The following CTNND2 variants were observed in gnomAD, a reference collection of about 807,000 sequenced individuals.
CTNND2 encodes catenin delta 2.
A neutral mutation model predicts 144.4 loss-of-function variants in CTNND2; 22 were observed. The ratio of observed to expected loss-of-function variants is 0.15; its 90% CI spans 0.11 to 0.22. The LOEUF is 0.22. Ranked by LOEUF, CTNND2 falls within the 10% of genes least tolerant of loss-of-function variation. CTNND2 has a pLI of 1.00. For missense variants in CTNND2, 1,353 were observed against 1,618.8 expected, an observed-to-expected ratio of 0.84 and a Z score of 2.82; for synonymous variants, 751 against 695.6, an observed-to-expected ratio of 1.08 and a Z score of -1.25.
chr5:11,299,642 C>T (rs1749372709), intron 9 of CTNND2, among the ~76,000 whole-genome samples: 1 of 152,170 alleles, frequency 6.6e-6, no homozygotes, highest in Admixed American at 6.5e-5. Context: ...AAGGTAGAAA[C>T]ATGTAGAATG....
intron 21 of CTNND2, among the ~76,000 whole-genome samples, chr5:10,975,800 G>A (rs1316036851): frequency 2.0e-5 from 3 of 152,210 alleles, no homozygotes; most frequent in Non-Finnish European, 4.4e-5. Context: ...GACATCTTCA[G>A]GAGGAGTCAC....
intron 16 of CTNND2, among the ~76,000 whole-genome samples, chr5:11,070,050 G>C (rs368216021): frequency 1.3e-5 from 2 of 152,110 alleles, no homozygotes; most frequent in Non-Finnish European, 2.9e-5. Flanking sequence ...AACATAAAAC[G>C]TCCGGCATAC....
At chr5:11,601,173 T>G (rs999270630) in intron 2 of CTNND2, among the ~76,000 whole-genome samples, 3 of 152,226 alleles carry the variant, frequency 2.0e-5, no homozygotes, top group Non-Finnish European at 4.4e-5. Context: ...AACATGCATA[T>G]GCATATTTCA....
At chr5:11,502,692 T>C (rs76461283) in intron 3 of CTNND2, among the ~76,000 whole-genome samples, 1,937 of 152,266 alleles carry the variant, frequency 0.013, 17 homozygotes, top group Non-Finnish European at 0.019. Flanking sequence ...CCCCAGACTA[T>C]CATCCTCATA....
At chr5:11,775,233 T>C (rs1403226061) in intron 1 of CTNND2, among the ~76,000 whole-genome samples, 2 of 152,190 alleles carry the variant, frequency 1.3e-5, no homozygotes, top group African/African-American at 4.8e-5. Context: ...ATTTCCTAAA[T>C]TCTCGGAGAA....
intron 10 of CTNND2, among the ~76,000 whole-genome samples, chr5:11,227,419 T>C (rs1309274088): frequency 6.6e-6 from 1 of 152,228 alleles, no homozygotes; most frequent in Non-Finnish European, 1.5e-5. Flanking sequence ...AAGCCGTTGC[T>C]ATAAGCTCAG....
intron 3 of CTNND2, among the ~76,000 whole-genome samples, chr5:11,561,777 C>T (rs933608884): frequency 1.3e-5 from 2 of 152,176 alleles, no homozygotes; most frequent in Non-Finnish European, 2.9e-5. Flanking sequence ...TACAGTGGCT[C>T]ATGCCTGTAG....
At chr5:11,175,079 G>A (rs908498445) in intron 11 of CTNND2, among the ~76,000 whole-genome samples, 1 of 151,974 alleles carries the variant, frequency 6.6e-6, no homozygotes, top group Non-Finnish European at 1.5e-5. Flanking sequence ...CAAAACTTTG[G>A]AATTTCTATG....
chr5:11,549,951 T>C lies in CTNND2; in HGVS notation c.287+14993A>G, dbSNP rs34317174. ...TAAAAGAAAGAAGGAAAGCCATAAG[T>C]AAATAATGTATCTGTAAAAATCAGG... On this transcript the variant is annotated intron_variant, in intron 3 of 21. Coordinates refer to ENST00000304623, the MANE Select transcript of CTNND2 (RefSeq NM_001332.4). Among the ~76,000 whole-genome samples the C allele has an allele frequency of 6.4e-3, 971 of 152,322 alleles. 11 individuals carry two copies. The highest frequency in any genetic ancestry group is 0.038 in the South Asian group (182 of 4,826).
At chr5:11,555,865 A>C (rs1776191537) in intron 3 of CTNND2, among the ~76,000 whole-genome samples, 1 of 152,184 alleles carries the variant, frequency 6.6e-6, no homozygotes, top group Admixed American at 6.6e-5. Context: ...TTGGAAAAAA[A>C]CAAAATTGGC....
intron 16 of CTNND2, among the ~76,000 whole-genome samples, chr5:11,052,223 T>C (rs1345639410): frequency 6.6e-6 from 1 of 152,212 alleles, no homozygotes; most frequent in African/African-American, 2.4e-5. Flanking sequence ...CATCTGGCTT[T>C]TTTTTCCATG....
chr5:11,668,807 C>T (rs979843915), intron 2 of CTNND2, among the ~76,000 whole-genome samples: 2 of 152,100 alleles, frequency 1.3e-5, no homozygotes, highest in African/African-American at 4.8e-5. Flanking sequence ...CTATGTTGAA[C>T]AGGAATGGTA....
At chr5:11,560,736 C>T (rs1320841076) in intron 3 of CTNND2, among the ~76,000 whole-genome samples, 2 of 152,142 alleles carry the variant, frequency 1.3e-5, no homozygotes, top group African/African-American at 2.4e-5. Context: ...AGGTGGGTCA[C>T]TAGATCCATA....
intron 13 of CTNND2, among the ~76,000 whole-genome samples, chr5:11,116,133 T>C (rs1461090657): frequency 6.6e-6 from 1 of 152,230 alleles, no homozygotes; most frequent in African/African-American, 2.4e-5. Flanking sequence ...TTAGGAGGAC[T>C]GCAATAGGGT....
At chr5:11,281,435 A>G (rs1432951095) in intron 9 of CTNND2, among the ~76,000 whole-genome samples, 1 of 152,274 alleles carries the variant, frequency 6.6e-6, no homozygotes, top group Non-Finnish European at 1.5e-5. Flanking sequence ...AGCAACAGCA[A>G]ATAGCCACAG....
At chr5:11,706,979 G>A (rs948833907) in intron 2 of CTNND2, among the ~76,000 whole-genome samples, 2 of 151,646 alleles carry the variant, frequency 1.3e-5, no homozygotes, top group South Asian at 4.2e-4. Context: ...CCAGCTACTC[G>A]GGAGGCTGAG....
intron 3 of CTNND2, among the ~76,000 whole-genome samples, chr5:11,490,185 T>C (rs1013642318): frequency 6.6e-6 from 1 of 152,206 alleles, no homozygotes; most frequent in Non-Finnish European, 1.5e-5. Context: ...GTCAATGAGA[T>C]TTTTTAAAAT....
intron 12 of CTNND2, among the ~76,000 whole-genome samples, chr5:11,128,893 T>C (rs1170944605): frequency 1.6e-5 from 1 of 61,194 alleles, no homozygotes; most frequent in African/African-American, 5.5e-5. Context: ...CATAAATATA[T>C]ATTACATATA....
At chr5:11,625,240 A>C (rs1781092042) in intron 2 of CTNND2, among the ~76,000 whole-genome samples, 1 of 152,134 alleles carries the variant, frequency 6.6e-6, no homozygotes, top group African/African-American at 2.4e-5. Flanking sequence ...TCTTGTTAGA[A>C]TGATTGGGGA....
Sources: allele counts gnomAD v4.1 joint callset (sites outside exome capture counted in the v4.1 genomes callset), GRCh38; gene constraint gnomAD v4.1.1; transcripts MANE v1.5; gene names NCBI Gene and HGNC (gene_info 2026-07-23, HGNC 2026-07-21).